The following ANK3 variants were observed in gnomAD, a reference collection of about 807,000 sequenced individuals.
ANK3 encodes ankyrin 3.
In ANK3, 57 loss-of-function variants were observed where a neutral mutation model predicts 370.9. The observed-to-expected ratio is 0.15, with a 90% CI of 0.12 to 0.19. The LOEUF is 0.19. ANK3 is among the 10% of genes least tolerant of loss of function. ANK3 has a pLI of 1.00. For missense variants in ANK3, 4,439 were observed against 5,302.1 expected, an observed-to-expected ratio of 0.84 and a Z score of 5.06; for synonymous variants, 1,929 against 1,946.3, an observed-to-expected ratio of 0.99 and a Z score of 0.23.
At chr10:60,502,420 T>C (rs1290534927) in intron 2 of ANK3, among the ~76,000 whole-genome samples, 1 of 152,216 alleles carries the variant, frequency 6.6e-6, no homozygotes, top group Admixed American at 6.5e-5. Flanking sequence ...GTTCTAACAG[T>C]GTGGCCCTGG....
At chr10:60,575,156 G>T (rs908501776) in intron 2 of ANK3, among the ~76,000 whole-genome samples, 2 of 152,146 alleles carry the variant, frequency 1.3e-5, no homozygotes, top group Non-Finnish European at 2.9e-5. Flanking sequence ...CTATAAACGG[G>T]TGTTTAAATT....
In ANK3 at chr10:60,069,804, G is replaced by C; in HGVS notation, c.11077C>G (p.Gln3693Glu). 1.2e-6 allele frequency: 2 copies of C among 1,614,116 alleles called. No individual in the cohort carries two copies. The change falls in exon 37 of 44, where the codon CAG (glutamine) becomes GAG (glutamate). Residue 3693 changes from glutamine (Q) to glutamate (E), a missense_variant. Gln to Glu is a conservative substitution (Grantham distance 29). Around this residue, in one of 13 missense-constraint regions of ANK3, gnomAD observed 496 missense variants for 529.3 expected, o/e 0.94. Coordinates refer to ENST00000280772, the MANE Select transcript of ANK3 (RefSeq NM_020987.5). ...NPSIPTSGECQEGTSSSGSLE... is the reference protein window; with the variant it reads ...NPSIPTSGECEEGTSSSGSLE... Reference sequence around the variant, plus strand: ...GAGCCACTACTGGATGTGCCTTCCTGACACTCTCCGCTGGTCGGGATGCTG... The same window carrying C: ...GAGCCACTACTGGATGTGCCTTCCTCACACTCTCCGCTGGTCGGGATGCTG...
intron 1 of ANK3, among the ~76,000 whole-genome samples, chr10:60,341,156 A>G (rs1566712522): frequency 6.6e-6 from 1 of 152,112 alleles, no homozygotes; most frequent in Non-Finnish European, 1.5e-5. Context: ...CAGTCTTGAC[A>G]TGGGCTACTC....
intron 2 of ANK3, among the ~76,000 whole-genome samples, chr10:60,424,641 T>C (rs533228114): frequency 2.6e-5 from 4 of 152,206 alleles, no homozygotes; most frequent in South Asian, 4.1e-4. Flanking sequence ...TAAAGCAGAA[T>C]TGTGGGATAC....
intron 1 of ANK3, among the ~76,000 whole-genome samples, chr10:60,303,551 C>T (rs1207440476): frequency 2.6e-5 from 4 of 152,024 alleles, no homozygotes; most frequent in Non-Finnish European, 4.4e-5. Context: ...TGACCTCACA[C>T]CACTTAGAAT....
chr10:60,254,740 G>A (rs1168660324), intron 7 of ANK3, among the ~76,000 whole-genome samples: 1 of 152,118 alleles, frequency 6.6e-6, no homozygotes, highest in Non-Finnish European at 1.5e-5. Flanking sequence ...CTCCCTTAAC[G>A]CAGCTGAGTT....
intron 2 of ANK3, among the ~76,000 whole-genome samples, chr10:60,570,548 G>T (rs2077568338): frequency 1.3e-5 from 2 of 152,132 alleles, no homozygotes; most frequent in South Asian, 4.1e-4. Context: ...GATAGAGTCA[G>T]ATGTGAATGA....
intron 2 of ANK3, among the ~76,000 whole-genome samples, chr10:60,597,581 C>G (rs965116694): frequency 6.6e-6 from 1 of 152,122 alleles, no homozygotes; most frequent in East Asian, 1.9e-4. Context: ...TTCACCTCCC[C>G]CAAGGCTTCT....
At chr10:60,140,920 AC>A (rs2094531852) in intron 23 of ANK3, 1 of 985,684 alleles carries the variant, frequency 1.0e-6, no homozygotes, top group Non-Finnish European at 1.2e-6. Flanking sequence ...GAAACAGCCA[AC>A]CCAGGTAGAG....
chr10:60,032,368 G>A (rs889146692), intron 43 of ANK3, among the ~76,000 whole-genome samples: 1 of 151,516 alleles, frequency 6.6e-6, no homozygotes, highest in Non-Finnish European at 1.5e-5. Flanking sequence ...CACCAAGTCT[G>A]GCTAATTTTT....
chr10:60,702,494 A>G (rs1195587843), intron 1 of ANK3, among the ~76,000 whole-genome samples: 1 of 152,140 alleles, frequency 6.6e-6, no homozygotes, highest in African/African-American at 2.4e-5. Context: ...CCAATGAGTA[A>G]TTATTTGATA....
At chr10:60,484,474 CT>C (rs1185609806) in intron 2 of ANK3, among the ~76,000 whole-genome samples, 1 of 152,062 alleles carries the variant, frequency 6.6e-6, no homozygotes, top group Non-Finnish European at 1.5e-5. Flanking sequence ...GTGGGAAAGA[CT>C]AAAGAAACAA....
intron 7 of ANK3, among the ~76,000 whole-genome samples, chr10:60,260,068 T>C (rs1379480209): frequency 6.6e-6 from 1 of 152,216 alleles, no homozygotes; most frequent in Non-Finnish European, 1.5e-5. Context: ...AAATAGCTTT[T>C]CTATTAGTAC....
intron 7 of ANK3, among the ~76,000 whole-genome samples, chr10:60,237,226 C>T (rs1399175648): frequency 6.6e-6 from 1 of 152,154 alleles, no homozygotes; most frequent in South Asian, 2.1e-4. Context: ...TGTCTGTTTT[C>T]TGAGTACAAG....
intron 40 of ANK3, chr10:60,060,000 G>C (rs773127921): frequency 6.3e-7 from 1 of 1,583,094 alleles, no homozygotes; most frequent in South Asian, 1.2e-5. Context: ...TTGAAGGGAA[G>C]GATAACCTAT....
chr10:60,168,308 G>A (rs2095679026), intron 21 of ANK3, among the ~76,000 whole-genome samples: 1 of 152,234 alleles, frequency 6.6e-6, no homozygotes, highest in African/African-American at 2.4e-5. Context: ...ATACAGGCAT[G>A]AGCCACCGCG....
intron 7 of ANK3, among the ~76,000 whole-genome samples, chr10:60,258,568 C>T (rs1196483575): frequency 6.6e-6 from 1 of 152,186 alleles, no homozygotes; most frequent in African/African-American, 2.4e-5. Context: ...GAAAGCAATT[C>T]CTTCTATTGT....
intron 9 of ANK3, among the ~76,000 whole-genome samples, chr10:60,210,990 T>C (rs2096845879): frequency 6.6e-6 from 1 of 152,064 alleles, no homozygotes; most frequent in Non-Finnish European, 1.5e-5. Flanking sequence ...GAATGGGGAA[T>C]TGGAAAGAGA....
chr10:60,647,284 T>C (rs528395386), intron 1 of ANK3, among the ~76,000 whole-genome samples: 1 of 152,336 alleles, frequency 6.6e-6, no homozygotes, highest in African/African-American at 2.4e-5. Flanking sequence ...ATTTAAAAGC[T>C]TTTTGGTTGA....
Sources: allele counts gnomAD v4.1 joint callset (sites outside exome capture counted in the v4.1 genomes callset), GRCh38; gene constraint gnomAD v4.1.1; regional missense constraint gnomAD v4.1.1; transcripts MANE v1.5; gene names NCBI Gene and HGNC (gene_info 2026-07-23, HGNC 2026-07-21).